The following PPP4R4 variants were observed in gnomAD, a reference collection of about 807,000 sequenced individuals.
The protein encoded by PPP4R4 is serine/threonine-protein phosphatase 4 regulatory subunit 4.
PPP4R4 carries 70 observed loss-of-function variants against 121.8 expected under a neutral mutation model. The ratio of observed to expected loss-of-function variants is 0.57; its 90% CI spans 0.47 to 0.70. PPP4R4 has a LOEUF of 0.70. Ranked by LOEUF, PPP4R4 falls within the 30% of genes least tolerant of loss-of-function variation. The probability of loss-of-function intolerance (pLI) is 0.00; values close to 1 mark genes in which losing one functional copy is unlikely to be tolerated. For synonymous variants in PPP4R4, 348 were observed against 355.7 expected, an observed-to-expected ratio of 0.98 and a Z score of 0.24; for missense variants, 875 against 1,033.6, an observed-to-expected ratio of 0.85 and a Z score of 2.10.
At chr14:94,201,309 G>A (rs1890165610) in intron 2 of PPP4R4, among the ~76,000 whole-genome samples, 2 of 152,072 alleles carry the variant, frequency 1.3e-5, no homozygotes, top group Admixed American at 6.6e-5. Context: ...TCAGTTGTTG[G>A]GTAGCATGTT....
intron 2 of PPP4R4, among the ~76,000 whole-genome samples, chr14:94,192,155 A>G (rs17129514): frequency 0.12 from 17,493 of 152,096 alleles, 1,194 homozygotes; most frequent in African/African-American, 0.19. Flanking sequence ...TTGTTTCTCT[A>G]TGGTCTTAAG....
At chr14:94,222,802 A>G (rs1363116370) in intron 3 of PPP4R4, among the ~76,000 whole-genome samples, 2 of 151,974 alleles carry the variant, frequency 1.3e-5, no homozygotes, top group Non-Finnish European at 2.9e-5. Context: ...CAGTTTTGGA[A>G]AATTCTCAGG....
chr14:94,263,167 T>C (rs1248103339), intron 19 of PPP4R4, among the ~76,000 whole-genome samples: 1 of 152,156 alleles, frequency 6.6e-6, no homozygotes, highest in African/African-American at 2.4e-5. Context: ...ATTCCCCAAA[T>C]TTGGGAAGAT....
At chr14:94,226,976 G>A (rs1041514628) in intron 3 of PPP4R4, among the ~76,000 whole-genome samples, 2 of 152,084 alleles carry the variant, frequency 1.3e-5, no homozygotes, top group African/African-American at 4.8e-5. Context: ...ATATAATACA[G>A]GCTTGTTGGA....
chr14:94,224,188 G>C (rs561867174), intron 3 of PPP4R4, among the ~76,000 whole-genome samples: 1 of 152,098 alleles, frequency 6.6e-6, no homozygotes, highest in Non-Finnish European at 1.5e-5. Context: ...AGTGTGCCTA[G>C]AGCATAAAGC....
chr14:94,209,853 A>C (rs1314233153), intron 3 of PPP4R4, among the ~76,000 whole-genome samples: 4 of 152,096 alleles, frequency 2.6e-5, no homozygotes, highest in African/African-American at 9.7e-5. Flanking sequence ...TGAGCAGGTA[A>C]AATCTGGTCC....
chr14:94,213,225 T>C (rs1890834978), intron 3 of PPP4R4, among the ~76,000 whole-genome samples: 1 of 152,212 alleles, frequency 6.6e-6, no homozygotes, highest in African/African-American at 2.4e-5. Flanking sequence ...CCTCACTCTT[T>C]ACTACTCATT....
chr14:94,197,002 T>C (rs1171448559), intron 2 of PPP4R4, among the ~76,000 whole-genome samples: 2 of 152,180 alleles, frequency 1.3e-5, no homozygotes, highest in Middle Eastern at 6.3e-3. Context: ...TTAGGAGGTG[T>C]GGTTCAGGAT....
chr14:94,215,710 A>G (rs12890827), intron 3 of PPP4R4, among the ~76,000 whole-genome samples: 19,290 of 152,214 alleles, frequency 0.13, 1,358 homozygotes, highest in Admixed American at 0.21. Context: ...AATGAAAGGA[A>G]TTAGAGATGA....
chr14:94,178,936 G>A (rs966708591), intron 2 of PPP4R4, among the ~76,000 whole-genome samples: 1 of 152,106 alleles, frequency 6.6e-6, no homozygotes, highest in Non-Finnish European at 1.5e-5. Context: ...ATCTTTACTT[G>A]TATATTTCTG....
rs993429179 is a variant in PPP4R4 at position 94,265,489 on chromosome 14, T to C, written c.2284+16T>C. On this transcript the variant is annotated intron_variant, in intron 21 of 24. Coordinates refer to ENST00000304338, the MANE Select transcript of PPP4R4 (RefSeq NM_058237.2). ...CCATCGACAAGTAAGAAATAACTTC[T>C]TTTTATATCTTTTTGTAATTTTTCT... 4.5e-6 allele frequency: 7 copies of C among 1,568,770 alleles called. No individual in the cohort carries two copies. The highest frequency in any genetic ancestry group is 6.1e-6 in the Non-Finnish European group (7 of 1,139,712).
intron 2 of PPP4R4, among the ~76,000 whole-genome samples, chr14:94,189,068 C>T (rs1889454268): frequency 6.6e-6 from 1 of 152,008 alleles, no homozygotes; most frequent in South Asian, 2.1e-4. Context: ...GACTTTTTTT[C>T]TCTTAGAGAA....
At chr14:94,204,220 A>G (rs1435960441) in intron 2 of PPP4R4, among the ~76,000 whole-genome samples, 2 of 152,042 alleles carry the variant, frequency 1.3e-5, no homozygotes, top group African/African-American at 4.8e-5. Flanking sequence ...TGTTTTAAGT[A>G]TAAGTCTGTG....
chr14:94,177,065 T>A (rs2139367857), intron 2 of PPP4R4, among the ~76,000 whole-genome samples: 1 of 152,230 alleles, frequency 6.6e-6, no homozygotes, highest in Middle Eastern at 3.4e-3. Flanking sequence ...ACTCATTGAA[T>A]GATTCTGTAA....
In PPP4R4 at chr14:94,278,752, T is replaced by TC; in HGVS notation, c.*109_*110insC. On this transcript the variant is annotated 3_prime_UTR_variant, in exon 25 of 25. Coordinates refer to ENST00000304338, the MANE Select transcript of PPP4R4 (RefSeq NM_058237.2). The stretch of plus-strand genomic sequence containing the variant: ...CTTTGTTTTTAAATTTTGGGTTTTT[T>TC]TTTTTGTTGTTGTTAATGAGCAGAA... 7 of 1,144,936 alleles carry TC rather than the reference T, an allele frequency of 6.1e-6. No homozygotes were observed. The highest frequency in any genetic ancestry group is 8.2e-6 in the Non-Finnish European group (7 of 849,738). The allele number at this position is 1,144,936 out of a possible 1,614,324, so 70.9% of individuals were successfully genotyped here.
In PPP4R4 at chr14:94,233,704, CGTTTA is replaced by C; in HGVS notation, c.572_576del (p.Leu191Ter). On this transcript the variant is annotated frameshift_variant, in exon 6 of 25. Coordinates refer to ENST00000304338, the MANE Select transcript of PPP4R4 (RefSeq NM_058237.2). LOFTEE classifies it high-confidence loss of function. ...ACAACTTTCCCAAACAGTCCAGTCT[CGTTTA>C]GTTAGTTGTAAAATTTTAGGAAAAT... 6.2e-7 allele frequency: 1 copy of C among 1,606,216 alleles called. No individual in the cohort carries two copies. Among genetic ancestry groups the C allele is most frequent in the South Asian group, 1.1e-5 (1 of 90,254 alleles).
intron 5 of PPP4R4, among the ~76,000 whole-genome samples, chr14:94,232,244 T>G (rs1409568643): frequency 6.6e-6 from 1 of 152,204 alleles, no homozygotes; most frequent in African/African-American, 2.4e-5. Flanking sequence ...TATTCCTATA[T>G]ACATTTCTTT....
intron 17 of PPP4R4, among the ~76,000 whole-genome samples, chr14:94,257,913 A>G (rs1351920605): frequency 6.6e-6 from 1 of 152,140 alleles, no homozygotes; most frequent in African/African-American, 2.4e-5. Flanking sequence ...TATTTTCAGT[A>G]TGCTGCATAT....
intron 2 of PPP4R4, 23 bp from the exon 3 acceptor site, chr14:94,208,441 T>G: frequency 6.5e-7 from 1 of 1,549,740 alleles, no homozygotes. Context: ...TTATAAATTT[T>G]AAATTTGTGT....
Sources: gnomAD v4.1 joint callset for allele counts (sites outside exome capture counted in the v4.1 genomes callset) on GRCh38, gnomAD v4.1.1 for gene constraint, MANE v1.5 for transcripts, NCBI Gene and HGNC (gene_info 2026-07-23, HGNC 2026-07-21) for gene names.